Variants in KRT79 observed in about 807,000 individuals in gnomAD.
KRT79 encodes keratin, type II cytoskeletal 79.
KRT79 carries 51 observed loss-of-function variants against 49.0 expected under a neutral mutation model. The observed-to-expected ratio is 1.04, with a 90% confidence interval of 0.83 to 1.31. The LOEUF (loss-of-function observed/expected upper bound fraction) is 1.31, where lower values mean the gene tolerates loss of function less well. Among genes scored for constraint, KRT79 ranks in the 40% most tolerant of loss-of-function variants. KRT79 has a pLI of 0.00. For missense variants in KRT79, 728 were observed against 688.0 expected (o/e 1.06, Z -0.65); for synonymous variants, 312 against 286.6 (o/e 1.09, Z -0.90).
rs113496850 is a variant in KRT79, at chr12:52,824,892, T to A, written c.856-530A>T. On this transcript the variant is annotated intron_variant, in intron 4 of 8. Transcript: ENST00000330553. ...AAGTGATGCATCCAAGGGCACCAGGTCCAGGGTGGGACCCAGCCTGGGACC... is the reference window on the plus strand; with the variant it reads ...AAGTGATGCATCCAAGGGCACCAGGACCAGGGTGGGACCCAGCCTGGGACC... 6.6e-3 allele frequency among the ~76,000 whole-genome samples: 1,004 copies of A among 152,310 alleles called. 10 individuals carry two copies. The highest frequency in any genetic ancestry group is 0.023 in the African/African-American group (954 of 41,572).
chr12:52,834,084 G>T lies in KRT79; in HGVS notation c.177C>A (p.Ser59Arg), dbSNP rs191073791. 2.5e-6 allele frequency: 4 copies of T among 1,613,292 alleles called. No individual in the cohort carries two copies. The East Asian group carries it at 8.9e-5, about 36-fold the overall frequency. ...GGCCCCCCAAGTTATAGAGGCTTCG[G>T]CTGCCAAAGCCACCTGTGCCGGGGC... Reference protein sequence around the residue: ...HCGPGTGGFGSRSLYNLGGHK... With the variant: ...HCGPGTGGFGRRSLYNLGGHK... The change falls in exon 1 of 9, where the codon AGC becomes AGA. Residue 59 changes from serine (S) to arginine (R), a missense_variant. By Grantham distance (110) the Ser-to-Arg change is moderately radical. Transcript: ENST00000330553.
Position 52,831,638 on chromosome 12 carries a change from C to A in KRT79, c.478-12G>T. The A allele has an allele frequency of 6.2e-7, 1 of 1,610,310 alleles. No homozygotes were observed. Among genetic ancestry groups the A allele is most frequent in the Non-Finnish European group, 8.5e-7 (1 of 1,176,914 alleles). ...TCCAGGAACCGCACCTGAGCCAGAG[C>A]AGAAAGGGTGGGCTGATGTCACCCT... On this transcript the variant is annotated splice_polypyrimidine_tract_variant and intron_variant, in intron 1 of 8. Coordinates refer to ENST00000330553, the MANE Select transcript of KRT79 (RefSeq NM_175834.3).
At chr12:52,833,563 A>T (rs1940286802) in intron 1 of KRT79, among the ~76,000 whole-genome samples, 1 of 152,162 alleles carries the variant, frequency 6.6e-6, no homozygotes, top group Non-Finnish European at 1.5e-5. Context: ...CGGACTCATG[A>T]GTAGACTGGA....
At position 52,831,492 on chromosome 12, in the gene KRT79, G is replaced by T; in HGVS notation, c.612C>A (p.Ser204Arg). The change falls in exon 2 of 9, where the codon AGC becomes AGA. Residue 204 changes from serine to arginine, a missense_variant. Ser to Arg is a moderately radical substitution (Grantham distance 110). Coordinates refer to ENST00000330553, the MANE Select transcript of KRT79 (RefSeq NM_175834.3). ...GCTCGCTCTGAAGTCTGTCCAGCGT[G>T]CTCCGCATGCTACCCAGGTAGGCCT... ...LFEAYLGSMR[S>R]TLDRLQSERG... 1 of 1,614,266 alleles carries T rather than the reference G, an allele frequency of 6.2e-7. No individual in the cohort carries two copies. The highest frequency in any genetic ancestry group is 8.5e-7 in the Non-Finnish European group (1 of 1,180,044).
chr12:52,826,445 C>T (rs541253526), intron 4 of KRT79, among the ~76,000 whole-genome samples: 5 of 147,438 alleles, frequency 3.4e-5, no homozygotes, highest in East Asian at 4.0e-4. Flanking sequence ...CCCAGGAGGT[C>T]GAGACTGTAG....
rs1321690907 is a variant in KRT79, at chr12:52,824,248, G to A, written c.970C>T (p.Leu324=). The part of the protein sequence containing the change: ...IIAEVKAQYE[L]IAQRSRAEAE... Reference sequence around the variant, plus strand: ...TCAGCCCGGCTCCTCTGGGCAATCAGCTCATACTGGGCCTTGACCTCGGCG... The same window carrying A: ...TCAGCCCGGCTCCTCTGGGCAATCAACTCATACTGGGCCTTGACCTCGGCG... Residue 324 remains leucine, a synonymous_variant, in exon 5 of 9, where the codon CTG becomes TTG. Transcript: ENST00000330553. 6.2e-7 allele frequency: 1 copy of A among 1,614,258 alleles called. No homozygotes were observed. Among genetic ancestry groups the A allele is most frequent in the Non-Finnish European group, 8.5e-7 (1 of 1,180,050 alleles).
rs1032719428 is a variant in KRT79, at chr12:52,822,893, C to A, written c.1367+123G>T. ...TGGGCACAAGCAGATTTTCCCCCCG[C>A]GTGAGTCAGGATCTTGCTCCCTGGT... On this transcript the variant is annotated intron_variant, in intron 7 of 8. Transcript: ENST00000330553. The A allele has an allele frequency of 2.2e-5, 20 of 911,390 alleles. No homozygotes were observed. In the South Asian group the frequency reaches 3.3e-4, roughly 15 times the overall value. 56.5% of individuals were successfully genotyped at this position (911,390 alleles called of 1,614,324 possible). A position where few individuals can be genotyped will look rare whatever the true frequency, so the allele number is the denominator to read the frequency against.
chr12:52,830,610 C>T (rs748048327), intron 2 of KRT79: 59 of 325,426 alleles, frequency 1.8e-4, no homozygotes, highest in Admixed American at 3.6e-4. Context: ...AGTGGCTGAC[C>T]TTTACCATCA....
chr12:52,831,300 A>G (rs1224542769), intron 2 of KRT79, 106 bp downstream of exon 2: 1 of 1,008,270 alleles, frequency 9.9e-7, no homozygotes, highest in East Asian at 2.4e-5. Context: ...CTGTCTGTGC[A>G]TCCCCCAGGT....
chr12:52,824,011 T>C lies in KRT79; in HGVS notation c.1022A>G (p.Tyr341Cys). ...AEAEAWYQTKYEELQVTAGKH... is the reference protein window; with the variant it reads ...AEAEAWYQTKCEELQVTAGKH... ...CCCAGCAGTCACCTGCAGCTCCTCATACTGGGGACCAAAGAAGTGGCAGTG... is the reference window on the plus strand; with the variant it reads ...CCCAGCAGTCACCTGCAGCTCCTCACACTGGGGACCAAAGAAGTGGCAGTG... The change falls in exon 6 of 9, where the codon TAT (tyrosine) becomes TGT (cysteine). Residue 341 changes from tyrosine (Y) to cysteine (C), a missense_variant and splice_region_variant. By Grantham distance (194) the Tyr-to-Cys change is radical. Coordinates refer to ENST00000330553, the MANE Select transcript of KRT79 (RefSeq NM_175834.3). 6.2e-7 allele frequency: 1 copy of C among 1,614,082 alleles called. No individual in the cohort carries two copies. The highest frequency in any genetic ancestry group is 2.2e-5 in the East Asian group (1 of 44,884).
rs774172613 is a variant in KRT79 at position 52,830,100 on chromosome 12, T to C, written c.778A>G (p.Met260Val). 2.5e-5 allele frequency: 40 copies of C among 1,614,024 alleles called. No homozygotes were observed. In the South Asian group the frequency reaches 3.7e-4, roughly 15 times the overall value. The change falls in exon 4 of 9, where the codon ATG becomes GTG. Residue 260 changes from methionine (M) to valine (V), a missense_variant. Coordinates refer to ENST00000330553, the MANE Select transcript of KRT79 (RefSeq NM_175834.3). ...VLKKDVDAAYMGRMDLHGKVG... is the reference protein window; with the variant it reads ...VLKKDVDAAYVGRMDLHGKVG... ...TTGCCATGCAGATCCATCCGGCCCATGTATGCTGCATCCACATCCTGGGGA... is the reference window on the plus strand; with the variant it reads ...TTGCCATGCAGATCCATCCGGCCCACGTATGCTGCATCCACATCCTGGGGA...
intron 4 of KRT79, 116 bp from the exon 5 acceptor site, chr12:52,824,478 C>T: frequency 9.5e-7 from 1 of 1,049,694 alleles, no homozygotes; most frequent in South Asian, 1.7e-5. Flanking sequence ...CTTGTCCAGG[C>T]TCCAGCCTAG....
rs1384387824 is a variant in KRT79 at position 52,822,013 on chromosome 12, G to A, written c.1467C>T (p.Ser489=). The change falls in exon 9 of 9, where the codon TCC becomes TCT. Residue 489 remains serine, a synonymous_variant. Coordinates refer to ENST00000330553, the MANE Select transcript of KRT79 (RefSeq NM_175834.3). ...GGAASFGGGI[S]LGGSGGATKG... is the part of the protein sequence containing the mutation. ...TGGTGGCCCCCCCACTCCCACCCAGGGAGATGCCACCTCCAAAGCTGGCTG... is the reference window on the plus strand; with the variant it reads ...TGGTGGCCCCCCCACTCCCACCCAGAGAGATGCCACCTCCAAAGCTGGCTG... The A allele has an allele frequency of 6.2e-7, 1 of 1,614,216 alleles. No individual in the cohort carries two copies. Among genetic ancestry groups the A allele is most frequent in the South Asian group, 1.1e-5 (1 of 91,092 alleles).
chr12:52,822,112 C>A (rs751001465), intron 8 of KRT79, 35 bp from the exon 9 acceptor site: 1 of 1,606,618 alleles, frequency 6.2e-7, no homozygotes, highest in Non-Finnish European at 8.5e-7. Context: ...GTCAGGGCGG[C>A]CATGCCAGAG....
intron 6 of KRT79, 143 bp from the exon 7 acceptor site, chr12:52,823,379 G>A (rs1201127935): frequency 9.7e-6 from 7 of 725,100 alleles, no homozygotes; most frequent in Non-Finnish European, 1.6e-5. Context: ...TTCATCTGAA[G>A]AGATGCTATT....
At chr12:52,831,050 G>C (rs1940245929) in intron 2 of KRT79, among the ~76,000 whole-genome samples, 1 of 151,622 alleles carries the variant, frequency 6.6e-6, no homozygotes, top group African/African-American at 2.4e-5. Context: ...AAGGGAATCA[G>C]AACACGTAGA....
At position 52,830,174 on chromosome 12, in the gene KRT79, G is replaced by A. The variant is rs367865724; in HGVS notation, c.760-56C>T. Reference sequence around the variant, plus strand: ...GGCCCCAGGGATGTCCCCTCTCCCCGAATCAGCCCAGTACCCTGGCAGCCA... The same window carrying A: ...GGCCCCAGGGATGTCCCCTCTCCCCAAATCAGCCCAGTACCCTGGCAGCCA... On this transcript the variant is annotated intron_variant, in intron 3 of 8. Coordinates refer to ENST00000330553, the MANE Select transcript of KRT79 (RefSeq NM_175834.3). 2.4e-5 allele frequency: 39 copies of A among 1,611,918 alleles called. No individual in the cohort carries two copies. The African/African-American group carries it at 2.9e-4, about 12-fold the overall frequency.
intron 1 of KRT79, among the ~76,000 whole-genome samples, chr12:52,832,482 C>T (rs923260938): frequency 6.6e-6 from 1 of 151,742 alleles, no homozygotes; most frequent in Non-Finnish European, 1.5e-5. Flanking sequence ...CTTGGCCCAG[C>T]TGGGGTTCCA....
Position 52,821,923 on chromosome 12 carries a change from G to T in KRT79, c.1557C>A (p.Thr519=). Residue 519 remains threonine, a synonymous_variant, in exon 9 of 9, where the codon ACC becomes ACA. Coordinates refer to ENST00000330553, the MANE Select transcript of KRT79 (RefSeq NM_175834.3). ...TVKGGPVSAG[T]SILRKTTTVK... is the part of the protein sequence containing the mutation. The stretch of plus-strand genomic sequence containing the variant: ...CCGTAGTGGTCTTCCGCAGGATGGA[G>T]GTGCCCGCAGAGACTGGCCCTCCCT... 6.2e-7 allele frequency: 1 copy of T among 1,614,164 alleles called. No individual in the cohort carries two copies.
Sources: allele counts gnomAD v4.1 joint callset (sites outside exome capture counted in the v4.1 genomes callset), GRCh38; gene constraint gnomAD v4.1.1; transcripts MANE v1.5; gene names NCBI Gene and HGNC (gene_info 2026-07-23, HGNC 2026-07-21).